HBS1L: variants seen among roughly 807,000 people sequenced by gnomAD.
HBS1L encodes HBS1 like translational GTPase.
HBS1L carries 55 observed loss-of-function variants against 88.9 expected under a neutral mutation model. The observed-to-expected ratio is 0.62, with a 90% confidence interval of 0.50 to 0.77. HBS1L has a LOEUF of 0.77. Ranked by LOEUF, HBS1L falls within the 30% of genes least tolerant of loss-of-function variation. HBS1L has a pLI of 0.00. For missense variants in HBS1L, 741 were observed against 829.3 expected (o/e 0.89, Z 1.31); for synonymous variants, 267 against 288.5 (o/e 0.93, Z 0.76).
At chr6:135,009,800 A>AT (rs67876204) in intron 4 of HBS1L, among the ~76,000 whole-genome samples, 4,727 of 143,610 alleles carry the variant, frequency 0.033, 205 homozygotes, top group African/African-American at 0.1. Context: ...CGCCCAGCTA[A>AT]TTTTTTTTTT....
chr6:135,039,420 C>T (rs898570095), intron 4 of HBS1L, among the ~76,000 whole-genome samples, 153 bp downstream of exon 4: 1 of 152,160 alleles, frequency 6.6e-6, no homozygotes, highest in African/African-American at 2.4e-5. Flanking sequence ...AAATCCACAA[C>T]TAGATCAACT....
chr6:135,024,748 A>C (rs1213704524), intron 4 of HBS1L, among the ~76,000 whole-genome samples: 1 of 150,018 alleles, frequency 6.7e-6, no homozygotes, highest in Non-Finnish European at 1.5e-5. Context: ...GTCTAAATTA[A>C]GATATGTTAA....
At chr6:134,990,633 C>G (rs1027504451) in intron 8 of HBS1L, among the ~76,000 whole-genome samples, 2 of 152,198 alleles carry the variant, frequency 1.3e-5, no homozygotes, top group African/African-American at 2.4e-5. Flanking sequence ...TCACTGCAGC[C>G]TCAACTTCCT....
chr6:135,042,335 T>C (rs1219927626), intron 2 of HBS1L, among the ~76,000 whole-genome samples: 1 of 152,154 alleles, frequency 6.6e-6, no homozygotes, highest in Non-Finnish European at 1.5e-5. Context: ...TCTCTTATAA[T>C]CTTCTTCCTT....
chr6:135,037,234 A>C, intron 4 of HBS1L: 1 of 1,551,984 alleles, frequency 6.4e-7, no homozygotes, highest in Non-Finnish European at 8.7e-7. Context: ...TCCCAAACTT[A>C]GATCTGTGAA....
intron 4 of HBS1L, among the ~76,000 whole-genome samples, chr6:135,008,654 T>C (rs550788706): frequency 1.3e-5 from 2 of 152,290 alleles, no homozygotes; most frequent in Admixed American, 1.3e-4. Context: ...TATATTCATT[T>C]GTGAAGGATG....
At position 134,982,233 on chromosome 6, in the gene HBS1L, C is replaced by T. The variant is rs181486125; in HGVS notation, c.1597+225G>A. On this transcript the variant is annotated intron_variant, in intron 13 of 17. Transcript: ENST00000367837. The stretch of plus-strand genomic sequence containing the variant: ...GATCTGTGTCAAAAATAGAATGCTA[C>T]TACAGTTAGAATGTTTATGTACATA... The T allele has an allele frequency of 1.2e-4, 53 of 441,646 alleles. 1 individual carries two copies. The East Asian group carries it at 2.1e-3, about 17-fold the overall frequency. The allele number at this position is 441,646 out of a possible 1,614,324, so 27.4% of individuals were successfully genotyped here. A position where few individuals can be genotyped will look rare whatever the true frequency, so the allele number is the denominator to read the frequency against.
At chr6:134,996,244 AACTG>A (rs1775285511) in intron 7 of HBS1L, among the ~76,000 whole-genome samples, 1 of 152,330 alleles carries the variant, frequency 6.6e-6, no homozygotes, top group African/African-American at 2.4e-5. Context: ...ACAGAGGAGT[AACTG>A]ACTGCATTAT....
intron 5 of HBS1L, among the ~76,000 whole-genome samples, chr6:135,001,112 T>C (rs1010076571): frequency 2.0e-5 from 3 of 152,202 alleles, no homozygotes; most frequent in African/African-American, 7.2e-5. Context: ...TACCTTTATG[T>C]TATTTGCAAG....
At chr6:135,008,395 C>T (rs561739224) in intron 4 of HBS1L, among the ~76,000 whole-genome samples, 38 of 152,322 alleles carry the variant, frequency 2.5e-4, no homozygotes, top group Middle Eastern at 6.8e-3. Flanking sequence ...CAAATTACCT[C>T]GCTGCCTGTC....
intron 14 of HBS1L, 72 bp downstream of exon 14, chr6:134,979,106 G>T: frequency 9.5e-7 from 1 of 1,050,342 alleles, no homozygotes; most frequent in Non-Finnish European, 1.5e-6. Flanking sequence ...CTAGCAGGTT[G>T]CAAAATATAT....
In HBS1L at chr6:135,042,039, T is replaced by A. The variant is rs534894059; in HGVS notation, c.197A>T (p.Asn66Ile). 10 of 1,613,478 alleles carry A rather than the reference T, an allele frequency of 6.2e-6. No homozygotes were observed. Among genetic ancestry groups the A allele is most frequent in the Non-Finnish European group, 8.5e-6 (10 of 1,179,810 alleles). The change falls in exon 3 of 18, where the codon AAT becomes ATT. Residue 66 changes from asparagine (N) to isoleucine (I), a missense_variant. Around this residue, in one of 3 missense-constraint regions of HBS1L, gnomAD observed 556 missense variants for 598.4 expected, o/e 0.93. Coordinates refer to ENST00000367837, the MANE Select transcript of HBS1L (RefSeq NM_006620.4). ...YDYEDLKESS[N>I]SVSNHQLSGF... is the part of the protein sequence containing the mutation. Reference sequence around the variant, plus strand: ...ACTGAGCTGATGGTTTGAAACAGAATTGGAAGATTCTTTCAGATCTTCATA... The same window carrying A: ...ACTGAGCTGATGGTTTGAAACAGAAATGGAAGATTCTTTCAGATCTTCATA...
chr6:134,989,506 C>T (rs2114788788), intron 8 of HBS1L, among the ~76,000 whole-genome samples: 1 of 152,226 alleles, frequency 6.6e-6, no homozygotes, highest in South Asian at 2.1e-4. Context: ...TCCCCAATGA[C>T]CCTTTACTTC....
intron 4 of HBS1L, among the ~76,000 whole-genome samples, chr6:135,029,532 G>A (rs1378291929): frequency 1.3e-5 from 2 of 151,910 alleles, no homozygotes; most frequent in African/African-American, 4.8e-5. Flanking sequence ...CAATTATCAG[G>A]TTGGTATAAT....
rs1330836686 is a variant in HBS1L, at chr6:134,966,369, C to CGT, written c.2001_2002dup (p.Arg668HisfsTer8). 1 of 1,612,984 alleles carries CGT rather than the reference C, an allele frequency of 6.2e-7. No homozygotes were observed. Among genetic ancestry groups the CGT allele is most frequent in the African/African-American group, 1.3e-5 (1 of 74,870 alleles). On this transcript the variant is annotated frameshift_variant, in exon 17 of 18. Coordinates refer to ENST00000367837, the MANE Select transcript of HBS1L (RefSeq NM_006620.4). LOFTEE classifies it high-confidence loss of function. The stretch of plus-strand genomic sequence containing the variant: ...AGCAGCTATTGTAGAACCACCGTAA[C>CGT]GTAGCATGAACCTCCCCAGCTCTTT...
chr6:135,047,311 T>A (rs1776943191), intron 2 of HBS1L, among the ~76,000 whole-genome samples: 1 of 152,226 alleles, frequency 6.6e-6, no homozygotes, highest in Non-Finnish European at 1.5e-5. Context: ...CCTGCAATAT[T>A]AAGGTGTCTT....
chr6:134,971,527 T>C (rs1278456922), intron 15 of HBS1L, among the ~76,000 whole-genome samples: 1 of 152,204 alleles, frequency 6.6e-6, no homozygotes, highest in Non-Finnish European at 1.5e-5. Flanking sequence ...AAAATCAGGA[T>C]GGACAAAGGA....
intron 4 of HBS1L, among the ~76,000 whole-genome samples, chr6:135,010,961 T>A (rs938712193): frequency 2.0e-5 from 3 of 152,164 alleles, no homozygotes; most frequent in Non-Finnish European, 4.4e-5. Flanking sequence ...TGGAAAAATA[T>A]ATAGGAATTT....
chr6:135,032,797 T>C (rs140004796), intron 4 of HBS1L, among the ~76,000 whole-genome samples: 42 of 152,222 alleles, frequency 2.8e-4, no homozygotes, highest in African/African-American at 9.4e-4. Context: ...TCCCACTGAG[T>C]ACTAAAAACT....
Sources: gnomAD v4.1 joint callset for allele counts (sites outside exome capture counted in the v4.1 genomes callset) on GRCh38, gnomAD v4.1.1 for gene constraint, gnomAD v4.1.1 regional missense constraint, MANE v1.5 for transcripts, NCBI Gene and HGNC (gene_info 2026-07-23, HGNC 2026-07-21) for gene names.